The following CAP2 variants were observed in gnomAD, a reference collection of about 807,000 sequenced individuals.
CAP2 encodes cyclase associated actin cytoskeleton regulatory protein 2.
CAP2 carries 24 observed loss-of-function variants against 57.7 expected under a neutral mutation model. The ratio of observed to expected loss-of-function variants is 0.42; its 90% CI spans 0.30 to 0.58. CAP2 has a LOEUF of 0.58. CAP2 is among the 20% of genes least tolerant of loss of function. The probability of loss-of-function intolerance (pLI) is 0.22; values close to 1 mark genes in which losing one functional copy is unlikely to be tolerated. For missense variants in CAP2, 501 were observed against 590.3 expected, an observed-to-expected ratio of 0.85 and a Z score of 1.57; for synonymous variants, 194 against 207.2, an observed-to-expected ratio of 0.94 and a Z score of 0.55.
At position 17,530,848 on chromosome 6, in the gene CAP2, CT is replaced by C. The variant is rs539205932; in HGVS notation, c.637-8420del. ...TTTTTTTTCAGTTTGAGAGCAGGTA[CT>C]GTTTATTAACTGACCAGCTTAGAAA... On this transcript the variant is annotated intron_variant, in intron 7 of 12. Transcript: ENST00000229922. 7.4e-3 allele frequency: 5,987 copies of C among 813,346 alleles called. 42 individuals are homozygous for C. The highest frequency in any genetic ancestry group is 9.5e-3 in the Non-Finnish European group (4,911 of 515,086). The allele number at this position is 813,346 out of a possible 1,614,324, so 50.4% of individuals were successfully genotyped here. A position where few individuals can be genotyped will look rare whatever the true frequency, so the allele number is the denominator to read the frequency against.
intron 3 of CAP2, among the ~76,000 whole-genome samples, chr6:17,445,666 G>A (rs896974240): frequency 2.0e-5 from 3 of 152,254 alleles, no homozygotes; most frequent in Non-Finnish European, 4.4e-5. Flanking sequence ...TAAACATCTG[G>A]ATGGAAAGTG....
chr6:17,499,076 A>C (rs945096913), intron 4 of CAP2, among the ~76,000 whole-genome samples: 2 of 152,040 alleles, frequency 1.3e-5, no homozygotes. Flanking sequence ...AAATGTGCCA[A>C]TGAGATTGTT....
chr6:17,422,538 A>T (rs1257357475), intron 2 of CAP2, among the ~76,000 whole-genome samples: 3 of 151,730 alleles, frequency 2.0e-5, no homozygotes, highest in Admixed American at 6.6e-5. Context: ...TTTAATAGAG[A>T]CGGGGTTTCA....
At chr6:17,554,174 A>G (rs1581619503) in intron 12 of CAP2, among the ~76,000 whole-genome samples, 1 of 151,958 alleles carries the variant, frequency 6.6e-6, no homozygotes, top group East Asian at 1.9e-4. Flanking sequence ...TGGTGCGATC[A>G]TGGCTCACTG....
At chr6:17,397,416 T>C (rs1277765595) in intron 1 of CAP2, among the ~76,000 whole-genome samples, 1 of 150,614 alleles carries the variant, frequency 6.6e-6, no homozygotes, top group Non-Finnish European at 1.5e-5. Flanking sequence ...CACATTGGGC[T>C]GGGCGTGGTG....
rs111423341 is a variant in CAP2, at chr6:17,457,973, G to A, written c.223-5023G>A. Among the ~76,000 whole-genome samples the A allele has an allele frequency of 1.6e-3, 246 of 152,294 alleles. 1 individual carries two copies. Among genetic ancestry groups the A allele is most frequent in the African/African-American group, 5.6e-3 (234 of 41,554 alleles). On this transcript the variant is annotated intron_variant, in intron 3 of 12. Transcript: ENST00000229922. ...GCTCTGCAAGGCTTGTCATAGATGA[G>A]GACGTTACCTCTATATTATCGTTGC...
At chr6:17,442,358 C>T (rs1193859315) in intron 3 of CAP2, among the ~76,000 whole-genome samples, 1 of 152,178 alleles carries the variant, frequency 6.6e-6, no homozygotes, top group East Asian at 1.9e-4. Context: ...CTGTGGAGCA[C>T]CTGCCCTGAT....
chr6:17,500,454 C>T (rs866650777), intron 4 of CAP2, among the ~76,000 whole-genome samples: 1 of 143,126 alleles, frequency 7.0e-6, no homozygotes, highest in Non-Finnish European at 1.5e-5. Context: ...CTGCAAGCTC[C>T]GCCTCCCGGG....
chr6:17,425,864 G>A (rs1759574933), intron 2 of CAP2, among the ~76,000 whole-genome samples: 1 of 152,170 alleles, frequency 6.6e-6, no homozygotes, highest in African/African-American at 2.4e-5. Context: ...GGAGGCCAAG[G>A]TGGGCCGATC....
chr6:17,480,861 G>A (rs1408116506), intron 4 of CAP2, among the ~76,000 whole-genome samples: 6 of 143,340 alleles, frequency 4.2e-5, no homozygotes, highest in African/African-American at 5.2e-5. Flanking sequence ...TGCAACCTCC[G>A]CCTCCTGATT....
chr6:17,479,209 G>A (rs1449756999), intron 4 of CAP2, among the ~76,000 whole-genome samples: 2 of 152,058 alleles, frequency 1.3e-5, no homozygotes, highest in African/African-American at 4.8e-5. Flanking sequence ...ACACACACCT[G>A]TACGTGTGTG....
chr6:17,514,542 G>A (rs1210290381), intron 7 of CAP2, among the ~76,000 whole-genome samples: 2 of 152,120 alleles, frequency 1.3e-5, no homozygotes, highest in African/African-American at 4.8e-5. Context: ...CTGAGGTCAG[G>A]AGTTTGAGAC....
In CAP2 at chr6:17,513,527, G is replaced by A. The variant is rs941358786; in HGVS notation, c.531-322G>A. ...GAAACAGTCTCCCCTCCACGCCCCCGTCACGTGAGGGCTGACTGGGACAGT... is the reference window on the plus strand; with the variant it reads ...GAAACAGTCTCCCCTCCACGCCCCCATCACGTGAGGGCTGACTGGGACAGT... On this transcript the variant is annotated intron_variant, in intron 6 of 12. Transcript: ENST00000229922. The surrounding 1 kb of genome is among the most constrained non-coding windows in gnomAD (Gnocchi z 4.3). Among the ~76,000 whole-genome samples the A allele has an allele frequency of 6.6e-6, 1 of 151,760 alleles. No homozygotes were observed. Among genetic ancestry groups the A allele is most frequent in the South Asian group, 2.1e-4 (1 of 4,808 alleles).
intron 11 of CAP2, among the ~76,000 whole-genome samples, chr6:17,549,755 A>G (rs1479033541): frequency 1.3e-5 from 2 of 152,160 alleles, no homozygotes; most frequent in Admixed American, 1.3e-4. Context: ...CTAAAGTCTG[A>G]TGCTATAGGA....
intron 7 of CAP2, among the ~76,000 whole-genome samples, chr6:17,538,896 G>A (rs547853771): frequency 2.4e-4 from 36 of 152,290 alleles, no homozygotes; most frequent in Admixed American, 1.6e-3. Flanking sequence ...AGAGCTAATC[G>A]TTTTATCAAT....
intron 4 of CAP2, among the ~76,000 whole-genome samples, chr6:17,494,887 AAG>A (rs1761627314): frequency 6.6e-6 from 1 of 152,212 alleles, no homozygotes; most frequent in African/African-American, 2.4e-5. Flanking sequence ...TCCCTTAAGT[AAG>A]AGAGAATTCT....
intron 8 of CAP2, among the ~76,000 whole-genome samples, chr6:17,539,820 C>T (rs1262587535): frequency 6.6e-6 from 1 of 152,212 alleles, no homozygotes; most frequent in Non-Finnish European, 1.5e-5. Context: ...TGGCTCACAC[C>T]TGTAATCACA....
intron 11 of CAP2, among the ~76,000 whole-genome samples, chr6:17,550,394 CTTTTTTTTTTTT>C (rs10557884): frequency 7.7e-5 from 4 of 52,046 alleles, no homozygotes; most frequent in African/African-American, 1.6e-4. Flanking sequence ...CTACCCCTGC[CTTTTTTTTTTTT>C]TTTTTTTTTT....
intron 4 of CAP2, 69 bp from the exon 5 acceptor site, chr6:17,507,100 A>G (rs1196286612): frequency 2.6e-5 from 40 of 1,545,314 alleles, no homozygotes; most frequent in Non-Finnish European, 3.1e-5. Flanking sequence ...TGCTTAGGCC[A>G]ACATGGATAG....
Sources: allele counts gnomAD v4.1 joint callset (sites outside exome capture counted in the v4.1 genomes callset), GRCh38; gene constraint gnomAD v4.1.1; non-coding constraint Gnocchi (gnomAD v3.1); transcripts MANE v1.5; gene names NCBI Gene and HGNC (gene_info 2026-07-23, HGNC 2026-07-21).